NEK11: variants seen among roughly 807,000 people sequenced by gnomAD.
The protein encoded by NEK11 is serine/threonine-protein kinase Nek11.
In NEK11, 72 loss-of-function variants were observed where a neutral mutation model predicts 80.7. The observed-to-expected ratio is 0.89, with a 90% confidence interval of 0.74 to 1.08. The LOEUF is 1.08. Ranked by LOEUF, NEK11 falls within the 50% of genes least tolerant of loss-of-function variation. NEK11 has a pLI of 0.00. For synonymous variants in NEK11, 251 were observed against 260.7 expected, an observed-to-expected ratio of 0.96 and a Z score of 0.36; for missense variants, 764 against 763.6, an observed-to-expected ratio of 1.00 and a Z score of -0.01.
At chr3:131,203,154 C>T (rs1209384734) in intron 14 of NEK11, among the ~76,000 whole-genome samples, 1 of 152,054 alleles carries the variant, frequency 6.6e-6, no homozygotes, top group Admixed American at 6.6e-5. Flanking sequence ...GCACTATTCA[C>T]AATAGCAAAC....
intron 3 of NEK11, among the ~76,000 whole-genome samples, chr3:131,031,916 A>G (rs2064910437): frequency 6.6e-6 from 1 of 151,708 alleles, no homozygotes; most frequent in South Asian, 2.1e-4. Flanking sequence ...TGGCTTTCAG[A>G]TGTCTTTTGT....
In NEK11 at chr3:131,114,156, G is replaced by A. The variant is rs139415220; in HGVS notation, c.455+4235G>A. On this transcript the variant is annotated intron_variant, in intron 5 of 17. Coordinates refer to ENST00000383366, the MANE Select transcript of NEK11 (RefSeq NM_024800.5). ...AATGTATAATCTATGTTTCACTTCTGTTGGTTTTCAGTATTTAATTTAGTA... is the reference window on the plus strand; with the variant it reads ...AATGTATAATCTATGTTTCACTTCTATTGGTTTTCAGTATTTAATTTAGTA... Among the ~76,000 whole-genome samples, 731 of 152,076 alleles carry A rather than the reference G, an allele frequency of 4.8e-3. 9 individuals are homozygous for A. Among genetic ancestry groups the A allele is most frequent in the African/African-American group, 0.017 (705 of 41,478 alleles).
At chr3:131,261,714 A>T (rs2095924338) in intron 16 of NEK11, among the ~76,000 whole-genome samples, 1 of 152,132 alleles carries the variant, frequency 6.6e-6, no homozygotes, top group Admixed American at 6.6e-5. Context: ...CATACATAGT[A>T]TAGTGTCTTA....
At chr3:131,260,198 T>C (rs1389069086) in intron 16 of NEK11, among the ~76,000 whole-genome samples, 1 of 152,184 alleles carries the variant, frequency 6.6e-6, no homozygotes, top group African/African-American at 2.4e-5. Context: ...GATCTTATTT[T>C]TTTTTAATTA....
chr3:131,061,694 A>C (rs1331620478), intron 3 of NEK11, among the ~76,000 whole-genome samples: 3 of 152,256 alleles, frequency 2.0e-5, no homozygotes, highest in African/African-American at 7.2e-5. Flanking sequence ...TCTCGGATCC[A>C]AGCAACAAAA....
chr3:131,072,393 C>A (rs1045464008), intron 3 of NEK11: 4 of 152,120 alleles, frequency 2.6e-5, no homozygotes, highest in Non-Finnish European at 5.9e-5. Context: ...CTTTTCCAGA[C>A]CAATTATGAT....
intron 14 of NEK11, among the ~76,000 whole-genome samples, chr3:131,223,230 C>A (rs181577494): frequency 2.0e-5 from 3 of 152,144 alleles, no homozygotes; most frequent in African/African-American, 7.2e-5. Context: ...ACAGTTTGAA[C>A]GGACTTACGT....
intron 5 of NEK11, among the ~76,000 whole-genome samples, chr3:131,129,279 C>T (rs1461047655): frequency 6.6e-6 from 1 of 152,176 alleles, no homozygotes; most frequent in Non-Finnish European, 1.5e-5. Context: ...TGGTCTCGAT[C>T]TCCTGACCTT....
At chr3:131,160,346 G>A (rs1185808286) in intron 10 of NEK11, among the ~76,000 whole-genome samples, 2 of 152,108 alleles carry the variant, frequency 1.3e-5, no homozygotes, top group Admixed American at 6.5e-5. Flanking sequence ...ATAAGCGAAG[G>A]AGAAATAAGA....
intron 14 of NEK11, chr3:131,184,789 A>C: frequency 9.7e-7 from 1 of 1,035,326 alleles, no homozygotes; most frequent in Non-Finnish European, 1.3e-6. Flanking sequence ...TCCTCCATGC[A>C]TACTTTTTGA....
chr3:131,288,454 T>TTTCTTTC (rs1561387449), intron 17 of NEK11, among the ~76,000 whole-genome samples: 3 of 11,586 alleles, frequency 2.6e-4, no homozygotes, highest in African/African-American at 9.6e-4. Flanking sequence ...TTCTTTCTTT[T>TTTCTTTC]TTTTTTTTTT....
At position 131,132,826 on chromosome 3, in the gene NEK11, T is replaced by C. The variant is rs745568782; in HGVS notation, c.520+17T>C. 1 of 1,233,480 alleles carries C rather than the reference T, an allele frequency of 8.1e-7. No individual in the cohort carries two copies. The highest frequency in any genetic ancestry group is 1.2e-6 in the Non-Finnish European group (1 of 865,108). 76.4% of individuals were successfully genotyped at this position (1,233,480 alleles called of 1,614,324 possible). On this transcript the variant is annotated intron_variant, in intron 6 of 17. Transcript: ENST00000383366. ...TTAAAATTGGTAAGATTTTAAAAAG[T>C]ATGAATTCCAAAAACGCAGAACAGT...
chr3:131,058,905 T>C (rs1489682549), intron 3 of NEK11, among the ~76,000 whole-genome samples: 1 of 152,202 alleles, frequency 6.6e-6, no homozygotes, highest in Non-Finnish European at 1.5e-5. Context: ...CTAATAATAC[T>C]TCTATTCCAG....
At chr3:131,124,862 C>T (rs1378792810) in intron 5 of NEK11, among the ~76,000 whole-genome samples, 4 of 152,090 alleles carry the variant, frequency 2.6e-5, no homozygotes, top group Non-Finnish European at 5.9e-5. Context: ...GTCAAAGAGA[C>T]CTCAGTTTGA....
chr3:131,100,693 T>G (rs974371921), intron 4 of NEK11, among the ~76,000 whole-genome samples: 2 of 152,232 alleles, frequency 1.3e-5, no homozygotes, highest in African/African-American at 4.8e-5. Context: ...GATATTGGCC[T>G]GAAGTTCTCC....
At chr3:131,173,190 T>G (rs1450830348) in intron 14 of NEK11, among the ~76,000 whole-genome samples, 2 of 152,208 alleles carry the variant, frequency 1.3e-5, no homozygotes, top group Non-Finnish European at 2.9e-5. Context: ...CTCTTTTGTT[T>G]CTTTACTTTC....
intron 17 of NEK11, among the ~76,000 whole-genome samples, chr3:131,281,275 T>A (rs2096391638): frequency 6.6e-6 from 1 of 152,224 alleles, no homozygotes; most frequent in Non-Finnish European, 1.5e-5. Context: ...TTTCCTCCCT[T>A]CCATGTTTAA....
At chr3:131,118,567 C>T (rs1488207519) in intron 5 of NEK11, among the ~76,000 whole-genome samples, 2 of 152,100 alleles carry the variant, frequency 1.3e-5, no homozygotes, top group African/African-American at 4.8e-5. Context: ...ATGTTTGTAC[C>T]TCTGGTAGAA....
intron 16 of NEK11, among the ~76,000 whole-genome samples, chr3:131,272,048 C>T (rs1402071869): frequency 2.0e-5 from 3 of 151,786 alleles, no homozygotes; most frequent in Non-Finnish European, 4.4e-5. Flanking sequence ...TGCGGTGAGC[C>T]GAGATCACGC....
Sources: gnomAD v4.1 joint callset for allele counts (sites outside exome capture counted in the v4.1 genomes callset) on GRCh38, gnomAD v4.1.1 for gene constraint, MANE v1.5 for transcripts, NCBI Gene and HGNC (gene_info 2026-07-23, HGNC 2026-07-21) for gene names.